Variants in KHDRBS2 observed in about 807,000 individuals in gnomAD.
KHDRBS2 encodes the protein KH RNA binding domain containing, signal transduction associated 2.
A neutral mutation model predicts 44.3 loss-of-function variants in KHDRBS2; 26 were observed. That is an observed-to-expected ratio of 0.59 (90% CI 0.43 to 0.81). The LOEUF (loss-of-function observed/expected upper bound fraction) is 0.81. KHDRBS2 is among the 40% of genes least tolerant of loss of function. The pLI is 0.00. For synonymous variants in KHDRBS2, 194 were observed against 151.1 expected, an observed-to-expected ratio of 1.28 and a Z score of -2.08; for missense variants, 476 against 433.1, an observed-to-expected ratio of 1.10 and a Z score of -0.88.
intron 6 of KHDRBS2, among the ~76,000 whole-genome samples, chr6:61,747,634 G>T (rs533954995): frequency 1.6e-4 from 24 of 151,788 alleles, no homozygotes; most frequent in Non-Finnish European, 3.2e-4. Context: ...CATTTCCATG[G>T]TGGCTATTTT....
chr6:62,004,619 C>T (rs1403162879), intron 3 of KHDRBS2, among the ~76,000 whole-genome samples: 1 of 152,012 alleles, frequency 6.6e-6, no homozygotes, highest in African/African-American at 2.4e-5. Context: ...GAAACTGTTC[C>T]AATCAATAGA....
intron 2 of KHDRBS2, among the ~76,000 whole-genome samples, chr6:62,071,853 A>C (rs1795191196): frequency 6.6e-6 from 1 of 152,120 alleles, no homozygotes; most frequent in African/African-American, 2.4e-5. Context: ...TAAACTTTAA[A>C]GTAGTTTTTT....
intron 6 of KHDRBS2, among the ~76,000 whole-genome samples, chr6:61,851,448 T>C (rs1251327911): frequency 6.6e-6 from 1 of 152,094 alleles, no homozygotes; most frequent in African/African-American, 2.4e-5. Context: ...TGACTGTATC[T>C]GGAGACGCAG....
At chr6:62,222,938 CTG>C (rs1428514395) in intron 1 of KHDRBS2, among the ~76,000 whole-genome samples, 1 of 152,174 alleles carries the variant, frequency 6.6e-6, no homozygotes, top group African/African-American at 2.4e-5. Flanking sequence ...CATTGAGTGT[CTG>C]TGGCTTTTCC....
At chr6:62,056,708 C>A (rs1480082107) in intron 2 of KHDRBS2, among the ~76,000 whole-genome samples, 2 of 152,012 alleles carry the variant, frequency 1.3e-5, no homozygotes, top group East Asian at 2.0e-4. Context: ...CTTCTTTCCC[C>A]TTTATTGATG....
chr6:62,018,765 C>A (rs1188739734), intron 3 of KHDRBS2, among the ~76,000 whole-genome samples: 2 of 152,126 alleles, frequency 1.3e-5, no homozygotes, highest in African/African-American at 4.8e-5. Flanking sequence ...TTAAAACTTT[C>A]TCATTACAAA....
At chr6:62,096,001 C>T (rs1295092267) in intron 2 of KHDRBS2, among the ~76,000 whole-genome samples, 3 of 151,806 alleles carry the variant, frequency 2.0e-5, no homozygotes, top group African/African-American at 4.8e-5. Context: ...TCTTCATTCT[C>T]GTCATGTGCT....
At chr6:61,724,608 T>C (rs1367103944) in intron 7 of KHDRBS2, among the ~76,000 whole-genome samples, 2 of 151,898 alleles carry the variant, frequency 1.3e-5, no homozygotes, top group Non-Finnish European at 2.9e-5. Flanking sequence ...AATAAAGGGA[T>C]GGAGGAGAAT....
chr6:62,202,483 C>A (rs1229933730), intron 1 of KHDRBS2, among the ~76,000 whole-genome samples: 3 of 151,630 alleles, frequency 2.0e-5, no homozygotes, highest in Non-Finnish European at 4.4e-5. Flanking sequence ...CTGTATAATA[C>A]AGAAAGAGAA....
chr6:62,113,860 T>A (rs952238303), intron 2 of KHDRBS2, among the ~76,000 whole-genome samples: 13 of 152,100 alleles, frequency 8.5e-5, no homozygotes, highest in Non-Finnish European at 1.9e-4. Flanking sequence ...AACATTACTG[T>A]ATTATTCCCT....
rs530427736 is a variant in KHDRBS2 at position 61,771,545 on chromosome 6, T to G, written c.811-38781A>C. 3.0e-4 allele frequency among the ~76,000 whole-genome samples: 46 copies of G among 152,214 alleles called. 1 individual carries two copies. In the East Asian group the frequency reaches 7.9e-3, roughly 26 times the overall value. ...AGGCAGGAGTTGCAATCCTAGTCTCTGATAAAACAGACTTTAAACCACCAA... is the reference window on the plus strand; with the variant it reads ...AGGCAGGAGTTGCAATCCTAGTCTCGGATAAAACAGACTTTAAACCACCAA... On this transcript the variant is annotated intron_variant, in intron 6 of 8. Transcript: ENST00000281156.
chr6:61,639,211 T>G, the KHDRBS2 span, among the ~76,000 whole-genome samples: 1 of 152,238 alleles, frequency 6.6e-6, no homozygotes, highest in Non-Finnish European at 1.5e-5. Context: ...TGAATATAGC[T>G]TAGTGACTGC....
intron 2 of KHDRBS2, among the ~76,000 whole-genome samples, chr6:62,097,716 T>A (rs543246642): frequency 6.6e-6 from 1 of 152,250 alleles, no homozygotes; most frequent in African/African-American, 2.4e-5. Context: ...ACATTTATAT[T>A]TAAGGTAATT....
At chr6:61,546,371 G>A in the KHDRBS2 span, among the ~76,000 whole-genome samples, 1 of 152,020 alleles carries the variant, frequency 6.6e-6, no homozygotes, top group South Asian at 2.1e-4. Flanking sequence ...TTGTGTTCAT[G>A]CATTAGGCTC....
At chr6:62,103,030 T>C (rs937834877) in intron 2 of KHDRBS2, among the ~76,000 whole-genome samples, 5 of 151,740 alleles carry the variant, frequency 3.3e-5, no homozygotes, top group Non-Finnish European at 7.4e-5. Flanking sequence ...GAGTCTGGGG[T>C]TTTTATGAGC....
chr6:61,592,211 A>G, the KHDRBS2 span, among the ~76,000 whole-genome samples: 3 of 150,016 alleles, frequency 2.0e-5, no homozygotes, highest in Non-Finnish European at 4.4e-5. Context: ...AAAAAAAAAA[A>G]GAGGAAAGAG....
chr6:62,014,616 AATT>A (rs1780878757), intron 3 of KHDRBS2, among the ~76,000 whole-genome samples: 1 of 152,170 alleles, frequency 6.6e-6, no homozygotes, highest in Non-Finnish European at 1.5e-5. Context: ...AAAGACCTAA[AATT>A]ATTATTTAAG....
intron 2 of KHDRBS2, among the ~76,000 whole-genome samples, chr6:62,160,812 T>G (rs1485732649): frequency 1.3e-5 from 2 of 152,128 alleles, no homozygotes; most frequent in African/African-American, 4.8e-5. Context: ...TAAAAAATTT[T>G]GGGGAAATAC....
chr6:62,105,086 G>A (rs1802850676), intron 2 of KHDRBS2, among the ~76,000 whole-genome samples: 1 of 152,108 alleles, frequency 6.6e-6, no homozygotes, highest in African/African-American at 2.4e-5. Flanking sequence ...TCAACAGGAA[G>A]AAAATGATCA....
Sources: allele counts gnomAD v4.1 joint callset (sites outside exome capture counted in the v4.1 genomes callset), GRCh38; gene constraint gnomAD v4.1.1; transcripts MANE v1.5; gene names NCBI Gene and HGNC (gene_info 2026-07-23, HGNC 2026-07-21).